The following AGBL4 variants were observed in gnomAD, a reference collection of about 807,000 sequenced individuals.
AGBL4 encodes the protein cytosolic carboxypeptidase 6.
In AGBL4, 58 loss-of-function variants were observed where a neutral mutation model predicts 66.4. The observed-to-expected ratio is 0.87, with a 90% CI of 0.71 to 1.09. The LOEUF (loss-of-function observed/expected upper bound fraction) is 1.09. Among genes scored for constraint, AGBL4 ranks in the 50% least tolerant of loss-of-function variants. AGBL4 has a pLI of 0.00. For synonymous variants in AGBL4, 234 were observed against 222.9 expected (o/e 1.05, Z -0.44); for missense variants, 579 against 631.0 (o/e 0.92, Z 0.88).
chr1:50,012,590 C>A (rs939276762), intron 1 of AGBL4, among the ~76,000 whole-genome samples: 1 of 152,124 alleles, frequency 6.6e-6, no homozygotes, highest in Non-Finnish European at 1.5e-5. Flanking sequence ...TATCTATCCT[C>A]CTGATAATAT....
chr1:48,649,336 G>A (rs890160735), intron 8 of AGBL4, among the ~76,000 whole-genome samples: 6 of 152,158 alleles, frequency 3.9e-5, no homozygotes, highest in Admixed American at 6.5e-5. Context: ...ATGAAGAGAA[G>A]GCAAATGTAA....
At chr1:49,107,694 TGAGAGAGAGAGAGAGAGA>T (rs56321932) in intron 4 of AGBL4, among the ~76,000 whole-genome samples, 62 of 113,994 alleles carry the variant, frequency 5.4e-4, no homozygotes, top group Non-Finnish European at 6.0e-4. Context: ...TGTGTGTGTG[TGAGAGAGAGAGAGAGAGA>T]GAGAGAGAGA....
rs146295717 is a variant in AGBL4, at chr1:48,692,473, C to T, written c.635-29232G>A. ...CCCACACAGAGAGCAATGCAGGAGG[C>T]GGAAAGAAGTCTGGGAGAGGAGCGT... On this transcript the variant is annotated intron_variant, in intron 6 of 13. Transcript: ENST00000371839. 1.1e-3 allele frequency among the ~76,000 whole-genome samples: 171 copies of T among 152,212 alleles called. 1 individual carries two copies. The highest frequency in any genetic ancestry group is 3.8e-3 in the African/African-American group (157 of 41,532).
intron 5 of AGBL4, among the ~76,000 whole-genome samples, chr1:49,030,820 CAAA>C (rs34872551): frequency 3.4e-4 from 21 of 62,040 alleles, no homozygotes; most frequent in South Asian, 1.2e-3. Flanking sequence ...TAAGTAGAGG[CAAA>C]AAAAAAAAAA....
rs60862640 is a variant in AGBL4, at chr1:49,603,929, TACACACACACACACAC to T, written c.282+93368_282+93383del. On this transcript the variant is annotated intron_variant, in intron 3 of 13. Coordinates refer to ENST00000371839, the MANE Select transcript of AGBL4 (RefSeq NM_032785.4). ...TACAGGTGATTAGTATTCCATGGTATACACACACACACACACACACACACACACACACACACACACA... is the reference window on the plus strand; with the variant it reads ...TACAGGTGATTAGTATTCCATGGTATACACACACACACACACACACACACA... Among the ~76,000 whole-genome samples the T allele has an allele frequency of 3.0e-3, 423 of 140,618 alleles. 7 individuals carry two copies. Among genetic ancestry groups the T allele is most frequent in the African/African-American group, 9.8e-3 (375 of 38,134 alleles). 92.3% of individuals were successfully genotyped at this position (140,618 alleles called of 152,430 possible).
chr1:49,501,802 TGA>T (rs1455229064), intron 3 of AGBL4, among the ~76,000 whole-genome samples: 4 of 152,070 alleles, frequency 2.6e-5, no homozygotes, highest in African/African-American at 9.7e-5. Flanking sequence ...TTTGATATGT[TGA>T]GTTTTCATTT....
At chr1:49,968,932 G>A (rs2148358026) in intron 1 of AGBL4, among the ~76,000 whole-genome samples, 1 of 152,286 alleles carries the variant, frequency 6.6e-6, no homozygotes, top group South Asian at 2.1e-4. Context: ...AATGTGTGTG[G>A]TTTTAACCAT....
chr1:48,663,344 T>C lies in AGBL4; in HGVS notation c.635-103A>G. On this transcript the variant is annotated intron_variant, in intron 6 of 13. Coordinates refer to ENST00000371839, the MANE Select transcript of AGBL4 (RefSeq NM_032785.4). ...CCCAGAGGGAATGGGCTGGATGTTT[T>C]ACATTTACCTCTTAAACCACTGGGT... 3 of 1,032,410 alleles carry C rather than the reference T, an allele frequency of 2.9e-6. No homozygotes were observed. In the South Asian group the frequency reaches 3.9e-5, roughly 13 times the overall value. 64.0% of individuals were successfully genotyped at this position (1,032,410 alleles called of 1,614,324 possible).
chr1:48,742,894 G>A, intron 6 of AGBL4: 1 of 935,286 alleles, frequency 1.1e-6, no homozygotes, highest in Non-Finnish European at 1.5e-6. Flanking sequence ...TTTGTCCATT[G>A]AACTACACTT....
intron 3 of AGBL4, among the ~76,000 whole-genome samples, chr1:49,367,285 T>C (rs887228908): frequency 6.6e-6 from 1 of 152,172 alleles, no homozygotes; most frequent in Non-Finnish European, 1.5e-5. Context: ...TTGGCATCCT[T>C]CCCATGGTAA....
At chr1:49,297,382 A>G (rs1350074490) in intron 3 of AGBL4, among the ~76,000 whole-genome samples, 2 of 152,198 alleles carry the variant, frequency 1.3e-5, no homozygotes, top group African/African-American at 4.8e-5. Flanking sequence ...TGTGTAAAAA[A>G]CACAGGTTAA....
In AGBL4 at chr1:49,601,933, A is replaced by C. The variant is rs139383775; in HGVS notation, c.282+95380T>G. Among the ~76,000 whole-genome samples, 1,925 of 152,318 alleles carry C rather than the reference A, an allele frequency of 0.013. 87 individuals carry two copies. The East Asian group carries it at 0.18, about 14-fold the overall frequency. On this transcript the variant is annotated intron_variant, in intron 3 of 13. Transcript: ENST00000371839. ...AACAGGCAACCTACAGAATGGAAGA[A>C]AAATCTTGCAATCTATCCATCTGAC...
intron 5 of AGBL4, among the ~76,000 whole-genome samples, chr1:48,925,978 A>G (rs1654523955): frequency 6.6e-6 from 1 of 152,154 alleles, no homozygotes; most frequent in African/African-American, 2.4e-5. Context: ...AGGTAATGGT[A>G]GTGGAATAGA....
chr1:48,797,113 G>C (rs943555790), intron 6 of AGBL4, among the ~76,000 whole-genome samples: 3 of 152,172 alleles, frequency 2.0e-5, no homozygotes, highest in South Asian at 2.1e-4. Context: ...TAGAAACTCA[G>C]CTTACTGAAT....
At chr1:49,927,512 T>C (rs912298924) in intron 1 of AGBL4, among the ~76,000 whole-genome samples, 4 of 152,070 alleles carry the variant, frequency 2.6e-5, no homozygotes, top group Non-Finnish European at 4.4e-5. Context: ...TCAAGCATTA[T>C]CACAAGAACA....
chr1:49,756,508 T>C (rs1042041103), intron 2 of AGBL4, among the ~76,000 whole-genome samples: 4 of 152,212 alleles, frequency 2.6e-5, no homozygotes, highest in African/African-American at 7.2e-5. Flanking sequence ...CTAAATAAAA[T>C]GACTGATACT....
chr1:49,294,079 T>G (rs538735539), intron 3 of AGBL4, among the ~76,000 whole-genome samples: 58 of 152,320 alleles, frequency 3.8e-4, no homozygotes, highest in African/African-American at 1.3e-3. Flanking sequence ...TATGAAGTAC[T>G]AGAGAAAGCA....
chr1:49,989,923 G>A (rs1393938103), intron 1 of AGBL4, among the ~76,000 whole-genome samples: 1 of 152,066 alleles, frequency 6.6e-6, no homozygotes, highest in East Asian at 1.9e-4. Flanking sequence ...TTCCTGGTGG[G>A]TATACCTTCA....
chr1:48,916,535 T>G (rs893284712), intron 5 of AGBL4, among the ~76,000 whole-genome samples: 5 of 150,884 alleles, frequency 3.3e-5, no homozygotes, highest in East Asian at 1.9e-4. Context: ...GTTCCGTTTT[T>G]TGTGTGTGTG....
Sources: allele counts gnomAD v4.1 joint callset (sites outside exome capture counted in the v4.1 genomes callset), GRCh38; gene constraint gnomAD v4.1.1; transcripts MANE v1.5; gene names NCBI Gene and HGNC (gene_info 2026-07-23, HGNC 2026-07-21).